The following MED1 variants were observed in gnomAD, a reference collection of about 807,000 sequenced individuals.
The protein encoded by MED1 is mediator of RNA polymerase II transcription subunit 1.
Under a neutral mutation model 121.3 loss-of-function variants are expected in MED1, and 17 were observed. That is an observed-to-expected ratio of 0.14 (90% CI 0.10 to 0.21). The LOEUF is 0.21. Among genes scored for constraint, MED1 ranks in the 10% least tolerant of loss-of-function variants. The pLI is 1.00. For synonymous variants in MED1, 661 were observed against 694.4 expected (o/e 0.95, Z 0.76); for missense variants, 1,558 against 1,919.4 (o/e 0.81, Z 3.52).
chr17:39,449,594 C>A (rs185031270), intron 1 of MED1, among the ~76,000 whole-genome samples: 54 of 150,660 alleles, frequency 3.6e-4, no homozygotes, highest in Admixed American at 1.3e-3. Context: ...CTCACTGCAA[C>A]CTCCACCTCC....
At chr17:39,430,029 G>A (rs963028967) in intron 9 of MED1, among the ~76,000 whole-genome samples, 4 of 152,100 alleles carry the variant, frequency 2.6e-5, no homozygotes, top group South Asian at 4.1e-4. Flanking sequence ...GCTGGAGTGA[G>A]TCATGATTGC....
rs1429782241 is a variant in MED1 at position 39,404,345 on chromosome 17, G to C, written c.*3130C>G. ...TAAACAGGTTATTTTGTAATGTTTCGGGAAAAAAATCCCACAACAGATTTC... is the reference window on the plus strand; with the variant it reads ...TAAACAGGTTATTTTGTAATGTTTCCGGAAAAAAATCCCACAACAGATTTC... On this transcript the variant is annotated 3_prime_UTR_variant, in exon 17 of 17. Transcript: ENST00000300651. 1 of 151,764 alleles carries C rather than the reference G, an allele frequency of 6.6e-6. No homozygotes were observed. The allele number at this position is 151,764 out of a possible 1,614,324, so 9.4% of individuals were successfully genotyped here.
intron 14 of MED1, among the ~76,000 whole-genome samples, chr17:39,418,009 CT>C (rs1432414081): frequency 7.6e-6 from 1 of 131,590 alleles, no homozygotes; most frequent in African/African-American, 2.7e-5. Flanking sequence ...TCGCTTGAAC[CT>C]GGGAGGCGGA....
Position 39,410,478 on chromosome 17 carries a change from G to C in MED1, c.1743C>G (p.Ser581Arg). ...PITTLFNMSM[S>R]IKDRHESVGH... ...CCACCGACTCATGCCGATCTTTGAT[G>C]CTCATGCTCATATTAAACAAGGTGG... Residue 581 changes from serine to arginine, a missense_variant, in exon 17 of 17, where the codon AGC becomes AGG. By Grantham distance (110) the Ser-to-Arg change is moderately radical. This residue lies in a region of MED1 where 793 missense variants were observed against 898.2 expected (regional missense o/e 0.88). Transcript: ENST00000300651. 1 of 1,614,098 alleles carries C rather than the reference G, an allele frequency of 6.2e-7. No homozygotes were observed. Among genetic ancestry groups the C allele is most frequent in the Non-Finnish European group, 8.5e-7 (1 of 1,180,016 alleles).
Position 39,415,115 on chromosome 17 carries a change from C to G in MED1, c.1410G>C (p.Gln470His). ...DSLVCVVMDVQDSTHVSCKLY... is the reference protein window; with the variant it reads ...DSLVCVVMDVHDSTHVSCKLY... ...GTTTACAGCTCACATGTGTTGAGTC[C>G]TGCACATCCATTACCACTGAAAGAC... The change falls in exon 16 of 17, where the codon CAG (glutamine) becomes CAC (histidine). Residue 470 changes from glutamine (Q) to histidine (H), a missense_variant. Around this residue, in one of 5 missense-constraint regions of MED1, gnomAD observed 50 missense variants for 134.5 expected, o/e 0.37. Transcript: ENST00000300651. 1 of 1,614,050 alleles carries G rather than the reference C, an allele frequency of 6.2e-7. No individual in the cohort carries two copies. The highest frequency in any genetic ancestry group is 1.1e-5 in the South Asian group (1 of 91,076).
At chr17:39,429,699 G>C (rs1350941042) in intron 9 of MED1, among the ~76,000 whole-genome samples, 2 of 43,410 alleles carry the variant, frequency 4.6e-5, no homozygotes, top group Non-Finnish European at 8.3e-5. Context: ...CTGCCTAAAT[G>C]CCTAAAAAAA....
Position 39,406,235 on chromosome 17 carries a change from A to C in MED1, c.*1240T>G. On this transcript the variant is annotated 3_prime_UTR_variant, in exon 17 of 17. Transcript: ENST00000300651. ...TGCTCACCTAGCATTCCAGGCCCCC[A>C]TTACTTCAAAAGTGAGCTTGAAATT... is the stretch of plus-strand genomic sequence containing the variant. 1.0e-6 allele frequency: 1 copy of C among 985,540 alleles called. No homozygotes were observed. The highest frequency in any genetic ancestry group is 1.2e-6 in the Non-Finnish European group (1 of 829,926). The allele number at this position is 985,540 out of a possible 1,614,324, so 61.0% of individuals were successfully genotyped here.
chr17:39,437,201 G>C lies in MED1; in HGVS notation c.428+1964C>G, dbSNP rs536878667. Among the ~76,000 whole-genome samples the C allele has an allele frequency of 2.0e-5, 3 of 152,234 alleles. No homozygotes were observed. The South Asian group carries it at 6.2e-4, about 32-fold the overall frequency. On this transcript the variant is annotated intron_variant, in intron 6 of 16. Coordinates refer to ENST00000300651, the MANE Select transcript of MED1 (RefSeq NM_004774.4). ...CCTGCCTCGGCTTCCCAAAGTGCTG[G>C]GATTACAGGCATGAGCCATCGCGCC...
At chr17:39,423,212 A>G (rs2048484005) in intron 13 of MED1, 115 bp downstream of exon 13, 1 of 783,728 alleles carries the variant, frequency 1.3e-6, no homozygotes, top group Non-Finnish European at 2.2e-6. Flanking sequence ...GAAATAGGAC[A>G]TGATCCAGCA....
At position 39,440,293 on chromosome 17, in the gene MED1, A is replaced by C; in HGVS notation, c.399+93T>G. On this transcript the variant is annotated intron_variant, in intron 5 of 16. Coordinates refer to ENST00000300651, the MANE Select transcript of MED1 (RefSeq NM_004774.4). This position sits in a 1 kb window ranked among gnomAD's most constrained non-coding sequence, Gnocchi z 4.1. ...TCTACAGTGGCTCATGGAAAAACCT[A>C]AACCCAAGCTATTTAAACCCCAACA... The C allele has an allele frequency of 7.4e-7, 1 of 1,346,218 alleles. No homozygotes were observed. The highest frequency in any genetic ancestry group is 9.9e-7 in the Non-Finnish European group (1 of 1,005,420). The allele number at this position is 1,346,218 out of a possible 1,614,324, so 83.4% of individuals were successfully genotyped here.
intron 6 of MED1, among the ~76,000 whole-genome samples, chr17:39,436,065 C>T (rs890247317): frequency 2.6e-5 from 4 of 151,684 alleles, no homozygotes; most frequent in South Asian, 2.1e-4. Flanking sequence ...GAGTGACACA[C>T]CATCTCGAAA....
At chr17:39,443,318 T>C (rs1270606422) in intron 3 of MED1, among the ~76,000 whole-genome samples, 1 of 152,010 alleles carries the variant, frequency 6.6e-6, no homozygotes, top group African/African-American at 2.4e-5. Flanking sequence ...TATCTTATAT[T>C]ACCCTTCATC....
In MED1 at chr17:39,432,793, G is replaced by A. The variant is rs560655550; in HGVS notation, c.501-777C>T. On this transcript the variant is annotated intron_variant, in intron 7 of 16. Coordinates refer to ENST00000300651, the MANE Select transcript of MED1 (RefSeq NM_004774.4). ...ACCAAAAAAAAAACTGGCCAGGCGC[G>A]GTGGCTCACGCCTGTAATCCCAACA... Among the ~76,000 whole-genome samples, 345 of 151,316 alleles carry A rather than the reference G, an allele frequency of 2.3e-3. 2 individuals are homozygous for A. Among genetic ancestry groups the A allele is most frequent in the African/African-American group, 7.8e-3 (323 of 41,254 alleles).
At chr17:39,413,168 A>G (rs1359919912) in intron 16 of MED1, among the ~76,000 whole-genome samples, 1 of 151,858 alleles carries the variant, frequency 6.6e-6, no homozygotes, top group Non-Finnish European at 1.5e-5. Context: ...TCCGCCTCCC[A>G]GGTTCAAGCA....
chr17:39,417,424 C>CGA (rs1442946069), intron 14 of MED1, among the ~76,000 whole-genome samples: 1 of 151,684 alleles, frequency 6.6e-6, no homozygotes, highest in Non-Finnish European at 1.5e-5. Context: ...GTCAGGAGAT[C>CGA]GAGACCATCC....
At position 39,423,189 on chromosome 17, in the gene MED1, C is replaced by T. The variant is rs186665115; in HGVS notation, c.1095+138G>A. ...CCATTTCTGAGATTTCTGTAATTTC[C>T]TGCCTTACTAAAGAAATAGGACATG... On this transcript the variant is annotated intron_variant, in intron 13 of 16. Coordinates refer to ENST00000300651, the MANE Select transcript of MED1 (RefSeq NM_004774.4). The T allele has an allele frequency of 3.6e-3, 2,563 of 712,772 alleles. 6 individuals are homozygous for T. Among genetic ancestry groups the T allele is most frequent in the Non-Finnish European group, 4.9e-3 (2,037 of 411,680 alleles). 44.2% of individuals were successfully genotyped at this position (712,772 alleles called of 1,614,324 possible). A position where few individuals can be genotyped will look rare whatever the true frequency, so the allele number is the denominator to read the frequency against.
rs571638916 is a variant in MED1, at chr17:39,426,064, C to T, written c.740-1326G>A. 2.4e-4 allele frequency among the ~76,000 whole-genome samples: 37 copies of T among 152,190 alleles called. No homozygotes were observed. In the South Asian group the frequency reaches 3.3e-3, roughly 14 times the overall value. On this transcript the variant is annotated intron_variant, in intron 10 of 16. Coordinates refer to ENST00000300651, the MANE Select transcript of MED1 (RefSeq NM_004774.4). ...GGAGGATGGCTTGAGCCCAGGACTT[C>T]GGGGGCTGTAGTGAGCTGTGATCAA...
intron 6 of MED1, among the ~76,000 whole-genome samples, chr17:39,437,999 C>T (rs146492869): frequency 3.3e-5 from 5 of 151,614 alleles, no homozygotes; most frequent in African/African-American, 1.2e-4. Context: ...GAGCCGAGAC[C>T]GCACCATTAT....
At chr17:39,432,170 C>G (rs1253012728) in intron 7 of MED1, among the ~76,000 whole-genome samples, 154 bp from the exon 8 acceptor site, 1 of 151,636 alleles carries the variant, frequency 6.6e-6, no homozygotes, top group Non-Finnish European at 1.5e-5. Flanking sequence ...TGGCAAAACC[C>G]CATCTCTACT....
Sources: gnomAD v4.1 joint callset for allele counts (sites outside exome capture counted in the v4.1 genomes callset) on GRCh38, gnomAD v4.1.1 for gene constraint, gnomAD v4.1.1 regional missense constraint, Gnocchi (gnomAD v3.1) non-coding constraint, MANE v1.5 for transcripts, NCBI Gene and HGNC (gene_info 2026-07-23, HGNC 2026-07-21) for gene names.